The following TMEM163 variants were observed in gnomAD, a reference collection of about 807,000 sequenced individuals.
TMEM163 encodes transmembrane protein 163.
In TMEM163, 17 loss-of-function variants were observed where a neutral mutation model predicts 29.3. That is an observed-to-expected ratio of 0.58 (90% CI 0.40 to 0.87). The LOEUF is 0.87. Among genes scored for constraint, TMEM163 ranks in the 40% least tolerant of loss-of-function variants. The pLI is 0.00. For synonymous variants in TMEM163, 157 were observed against 160.6 expected (o/e 0.98, Z 0.17); for missense variants, 303 against 381.5 (o/e 0.79, Z 1.71).
intron 2 of TMEM163, among the ~76,000 whole-genome samples, chr2:134,693,897 A>G (rs1684527131): frequency 6.6e-6 from 1 of 152,174 alleles, no homozygotes; most frequent in South Asian, 2.1e-4. Flanking sequence ...AAGAGGTGAC[A>G]AAACAACACA....
intron 2 of TMEM163, 47 bp from the exon 3 acceptor site, chr2:134,552,138 ATT>A (rs763118342): frequency 1.1e-5 from 17 of 1,483,108 alleles, no homozygotes; most frequent in Non-Finnish European, 1.5e-5. Flanking sequence ...AACCTCTCTC[ATT>A]TTTGAGTATA....
At chr2:134,613,169 G>GA (rs1231948118) in intron 2 of TMEM163, among the ~76,000 whole-genome samples, 3 of 152,102 alleles carry the variant, frequency 2.0e-5, no homozygotes, top group East Asian at 1.9e-4. Context: ...AGCTGCCAAA[G>GA]AAAAAATCAG....
At chr2:134,549,125 C>T (rs942109853) in intron 4 of TMEM163, among the ~76,000 whole-genome samples, 9 of 150,994 alleles carry the variant, frequency 6.0e-5, no homozygotes, top group Middle Eastern at 3.2e-3. Flanking sequence ...AAAACTAATG[C>T]CCATTAAAAT....
At chr2:134,498,801 G>A (rs1263274472) in intron 5 of TMEM163, among the ~76,000 whole-genome samples, 2 of 152,224 alleles carry the variant, frequency 1.3e-5, no homozygotes, top group Admixed American at 1.3e-4. Flanking sequence ...GACAGCCCTC[G>A]GCAGCACTGC....
intron 2 of TMEM163, among the ~76,000 whole-genome samples, chr2:134,665,424 T>C (rs972285667): frequency 1.3e-5 from 2 of 152,114 alleles, no homozygotes; most frequent in African/African-American, 4.8e-5. Flanking sequence ...AAAACATGCC[T>C]CCATGATTCA....
chr2:134,524,580 G>A (rs2106496471), intron 4 of TMEM163, among the ~76,000 whole-genome samples: 1 of 149,814 alleles, frequency 6.7e-6, no homozygotes, highest in South Asian at 2.3e-4. Flanking sequence ...CTGTGTCCAT[G>A]TGTTCTCACT....
Position 134,637,632 on chromosome 2 carries a change from G to A in TMEM163, c.322+75568C>T, listed in dbSNP as rs577825941. 1.2e-4 allele frequency among the ~76,000 whole-genome samples: 18 copies of A among 152,302 alleles called. No homozygotes were observed. In the South Asian group the frequency reaches 3.3e-3, roughly 28 times the overall value. ...CTTGTGATTGTTTTTGAGCTGCTTA[G>A]GGGTAGGAGGTGCTCCTGATGATTT... On this transcript the variant is annotated intron_variant, in intron 2 of 7. Coordinates refer to ENST00000281924, the MANE Select transcript of TMEM163 (RefSeq NM_030923.5).
At chr2:134,584,958 A>G (rs1384347439) in intron 2 of TMEM163, among the ~76,000 whole-genome samples, 1 of 152,206 alleles carries the variant, frequency 6.6e-6, no homozygotes, top group African/African-American at 2.4e-5. Flanking sequence ...GTGACCTGCC[A>G]ACTACTCCAC....
At chr2:134,696,349 A>G (rs1186506024) in intron 2 of TMEM163, among the ~76,000 whole-genome samples, 2 of 152,188 alleles carry the variant, frequency 1.3e-5, no homozygotes, top group Non-Finnish European at 2.9e-5. Context: ...TGAGATATAT[A>G]TGCACCTTGT....
intron 2 of TMEM163, among the ~76,000 whole-genome samples, chr2:134,581,575 C>A (rs1288719824): frequency 6.6e-6 from 1 of 152,220 alleles, no homozygotes; most frequent in African/African-American, 2.4e-5. Context: ...CCCAAACAAA[C>A]CACCAGCAAT....
chr2:134,650,729 T>G (rs1206715247), intron 2 of TMEM163, among the ~76,000 whole-genome samples: 1 of 117,982 alleles, frequency 8.5e-6, no homozygotes, highest in Non-Finnish European at 1.6e-5. Context: ...GAGTGTGATA[T>G]TCCCCTTCCT....
At chr2:134,634,000 T>C (rs1574296748) in intron 2 of TMEM163, among the ~76,000 whole-genome samples, 1 of 25,810 alleles carries the variant, frequency 3.9e-5, no homozygotes, top group African/African-American at 1.9e-4. Context: ...TATATATATA[T>C]ATATATATAT....
chr2:134,480,047 G>GC (rs1687012777), intron 5 of TMEM163, among the ~76,000 whole-genome samples: 1 of 152,210 alleles, frequency 6.6e-6, no homozygotes, highest in Non-Finnish European at 1.5e-5. Context: ...CCCCTGCACT[G>GC]CCCCATACGC....
Position 134,694,593 on chromosome 2 carries a change from G to A in TMEM163, c.322+18607C>T, listed in dbSNP as rs1032193999. 9.2e-5 allele frequency among the ~76,000 whole-genome samples: 14 copies of A among 152,046 alleles called. 1 individual carries two copies. The highest frequency in any genetic ancestry group is 3.4e-4 in the African/African-American group (14 of 41,376). ...ATTCCCTAAGAATGCTCTCTTTATG[G>A]GACATGTAAAGTTTAAGCTTCTCCT... On this transcript the variant is annotated intron_variant, in intron 2 of 7. Transcript: ENST00000281924.
In TMEM163 at chr2:134,550,625, C is replaced by T. The variant is rs1201793192; in HGVS notation, c.403G>A (p.Val135Ile). The T allele has an allele frequency of 6.2e-7, 1 of 1,614,186 alleles. No homozygotes were observed. The highest frequency in any genetic ancestry group is 8.5e-7 in the Non-Finnish European group (1 of 1,180,030). ...AILDVLSSAI[V>I]LWRYSNAAAV... ...GCCGCGTTGCTGTAACGCCACAGGA[C>T]AATCGCCGATGACAGGACGTCCAGG... Residue 135 changes from valine (V) to isoleucine (I), a missense_variant, in exon 4 of 8, where the codon GTC (valine) becomes ATC (isoleucine). Around this residue, in one of 2 missense-constraint regions of TMEM163, gnomAD observed 203 missense variants for 294.3 expected, o/e 0.69. Coordinates refer to ENST00000281924, the MANE Select transcript of TMEM163 (RefSeq NM_030923.5).
At chr2:134,482,474 C>T (rs139100271) in intron 5 of TMEM163, among the ~76,000 whole-genome samples, 64 of 152,316 alleles carry the variant, frequency 4.2e-4, no homozygotes, top group Admixed American at 1.4e-3. Context: ...TGCAAAAAGG[C>T]GTCCTCTGCC....
At chr2:134,572,839 C>T (rs1449274332) in intron 2 of TMEM163, among the ~76,000 whole-genome samples, 3 of 152,220 alleles carry the variant, frequency 2.0e-5, no homozygotes, top group Non-Finnish European at 2.9e-5. Context: ...GGCAATATTC[C>T]TGAAATTAGA....
intron 4 of TMEM163, among the ~76,000 whole-genome samples, chr2:134,546,837 A>G (rs1680800360): frequency 6.6e-6 from 1 of 152,078 alleles, no homozygotes; most frequent in African/African-American, 2.4e-5. Context: ...AATAAATAAA[A>G]AAGATTATTC....
intron 5 of TMEM163, among the ~76,000 whole-genome samples, chr2:134,481,678 T>G (rs559882318): frequency 6.6e-6 from 1 of 152,306 alleles, no homozygotes; most frequent in South Asian, 2.1e-4. Flanking sequence ...GGGCCGTTGT[T>G]GATGCAAGGA....
Sources: allele counts gnomAD v4.1 joint callset (sites outside exome capture counted in the v4.1 genomes callset), GRCh38; gene constraint gnomAD v4.1.1; regional missense constraint gnomAD v4.1.1; transcripts MANE v1.5; gene names NCBI Gene and HGNC (gene_info 2026-07-23, HGNC 2026-07-21).